BTBD9: variants seen among roughly 807,000 people sequenced by gnomAD.
The protein encoded by BTBD9 is BTB/POZ domain-containing protein 9.
A neutral mutation model predicts 64.3 loss-of-function variants in BTBD9; 49 were observed. The ratio of observed to expected loss-of-function variants is 0.76; its 90% CI spans 0.61 to 0.97. The LOEUF (loss-of-function observed/expected upper bound fraction) is 0.97. BTBD9 is among the 50% of genes least tolerant of loss of function. The pLI is 0.00. For synonymous variants in BTBD9, 260 were observed against 274.7 expected (o/e 0.95, Z 0.53); for missense variants, 598 against 762.1 (o/e 0.78, Z 2.53).
At chr6:38,256,840 G>A (rs140216785) in intron 8 of BTBD9, among the ~76,000 whole-genome samples, 7 of 152,262 alleles carry the variant, frequency 4.6e-5, no homozygotes, top group Admixed American at 3.3e-4. Flanking sequence ...CAGTTGGCTC[G>A]GCTGACCACT....
At chr6:38,462,946 A>T (rs897615914) in intron 6 of BTBD9, among the ~76,000 whole-genome samples, 1 of 152,138 alleles carries the variant, frequency 6.6e-6, no homozygotes, top group African/African-American at 2.4e-5. Flanking sequence ...CTACAGGCAC[A>T]TGTCACCATA....
chr6:38,229,127 G>A (rs951043773), intron 9 of BTBD9, among the ~76,000 whole-genome samples: 1 of 152,016 alleles, frequency 6.6e-6, no homozygotes, highest in South Asian at 2.1e-4. Context: ...GAACTTGGGA[G>A]GTGGAGGTTG....
At chr6:38,415,541 G>A (rs531876393) in intron 6 of BTBD9, among the ~76,000 whole-genome samples, 7 of 152,220 alleles carry the variant, frequency 4.6e-5, no homozygotes, top group South Asian at 2.1e-4. Flanking sequence ...TAATTATTTC[G>A]TGTTGTTTTA....
intron 9 of BTBD9, among the ~76,000 whole-genome samples, chr6:38,239,452 A>AT (rs1201953236): frequency 6.6e-6 from 1 of 151,482 alleles, no homozygotes; most frequent in African/African-American, 2.4e-5. Context: ...AAAAAAAAAA[A>AT]AAAAAAAAGA....
chr6:38,234,324 G>A (rs569450862), intron 9 of BTBD9, among the ~76,000 whole-genome samples: 1 of 152,282 alleles, frequency 6.6e-6, no homozygotes, highest in Non-Finnish European at 1.5e-5. Flanking sequence ...TGCAGGCTTT[G>A]CTCTAAAGGT....
chr6:38,323,897 A>G (rs932561082), intron 7 of BTBD9, among the ~76,000 whole-genome samples: 3 of 152,144 alleles, frequency 2.0e-5, no homozygotes, highest in Non-Finnish European at 1.5e-5. Flanking sequence ...CAGGAGTTCA[A>G]GACCAGCCTG....
At chr6:38,275,489 T>C (rs1305014048) in intron 8 of BTBD9, among the ~76,000 whole-genome samples, 1 of 151,572 alleles carries the variant, frequency 6.6e-6, no homozygotes, top group African/African-American at 2.4e-5. Flanking sequence ...AAAGCCAAAA[T>C]TGACAAATGG....
intron 6 of BTBD9, among the ~76,000 whole-genome samples, chr6:38,359,637 C>T (rs1764873226): frequency 6.6e-6 from 1 of 152,180 alleles, no homozygotes; most frequent in African/African-American, 2.4e-5. Flanking sequence ...ATGTGCATTA[C>T]TCAGGCTCTC....
At chr6:38,479,719 C>T (rs972773239) in intron 6 of BTBD9, among the ~76,000 whole-genome samples, 4 of 152,062 alleles carry the variant, frequency 2.6e-5, no homozygotes, top group African/African-American at 9.7e-5. Flanking sequence ...GCACTAAAAT[C>T]TTTTTTTATT....
intron 8 of BTBD9, among the ~76,000 whole-genome samples, chr6:38,266,630 GAAAGAAAGAAAGAAA>G (rs1765000576): frequency 1.3e-5 from 1 of 74,922 alleles, no homozygotes; most frequent in Admixed American, 1.3e-4. Context: ...AAGAAAGAAA[GAAAGAAAGAAAGAAA>G]GAAAGAAAGA....
At chr6:38,496,734 T>C (rs779524798) in intron 6 of BTBD9, among the ~76,000 whole-genome samples, 2 of 151,308 alleles carry the variant, frequency 1.3e-5, no homozygotes, top group Admixed American at 1.3e-4. Context: ...AAGGACTCAA[T>C]GGACAATTTT....
At chr6:38,495,352 T>C (rs755707554) in intron 6 of BTBD9, among the ~76,000 whole-genome samples, 4 of 152,332 alleles carry the variant, frequency 2.6e-5, no homozygotes, top group Admixed American at 1.3e-4. Context: ...TTAGTTCTCT[T>C]CTCCATCTAT....
chr6:38,536,554 T>C (rs373107995), intron 6 of BTBD9, among the ~76,000 whole-genome samples: 12 of 152,220 alleles, frequency 7.9e-5, no homozygotes, highest in African/African-American at 2.2e-4. Flanking sequence ...CTATTCACAA[T>C]AGCCAAAATT....
intron 1 of BTBD9, among the ~76,000 whole-genome samples, chr6:38,611,486 A>G (rs1777616104): frequency 6.6e-6 from 1 of 152,190 alleles, no homozygotes; most frequent in Admixed American, 6.5e-5. Flanking sequence ...TTGTACCAAG[A>G]AACAGTGCAA....
In BTBD9 at chr6:38,519,737, G is replaced by A. The variant is rs545495273; in HGVS notation, c.1154+57863C>T. ...ATAAGGAGTGAAAGAGTTTTGAGTT[G>A]TCTGAGTTGTCTCCAGCTCCAGCTA... On this transcript the variant is annotated intron_variant, in intron 6 of 10. Coordinates refer to ENST00000481247, the MANE Select transcript of BTBD9 (RefSeq NM_001099272.2). 2.6e-5 allele frequency among the ~76,000 whole-genome samples: 4 copies of A among 152,258 alleles called. No individual in the cohort carries two copies. In the South Asian group the frequency reaches 8.3e-4, roughly 32 times the overall value.
intron 6 of BTBD9, among the ~76,000 whole-genome samples, chr6:38,483,952 C>A (rs1464518946): frequency 6.6e-6 from 1 of 152,220 alleles, no homozygotes; most frequent in East Asian, 1.9e-4. Context: ...ACATTTATTT[C>A]TTTACATCTC....
intron 9 of BTBD9, among the ~76,000 whole-genome samples, chr6:38,244,368 G>A (rs996815762): frequency 1.3e-5 from 2 of 152,216 alleles, no homozygotes; most frequent in Admixed American, 6.5e-5. Context: ...AGAGCTCTAG[G>A]ATTCCAGAGT....
chr6:38,302,485 G>GTATGTGTGTGTGTGTGTGTATATATATA (rs1384155514), intron 7 of BTBD9, among the ~76,000 whole-genome samples: 4 of 106,908 alleles, frequency 3.7e-5, no homozygotes, highest in African/African-American at 1.4e-4. Flanking sequence ...TTGTGTGTAT[G>GTATGTGTGTGTGTGTGTGTATATATATA]TATATATATA....
intron 8 of BTBD9, among the ~76,000 whole-genome samples, chr6:38,269,627 TG>T (rs1765132087): frequency 6.6e-6 from 1 of 151,814 alleles, no homozygotes; most frequent in Non-Finnish European, 1.5e-5. Context: ...TCACCTATAC[TG>T]AACAGGAGGC....
Sources: gnomAD v4.1 joint callset for allele counts (sites outside exome capture counted in the v4.1 genomes callset) on GRCh38, gnomAD v4.1.1 for gene constraint, MANE v1.5 for transcripts, NCBI Gene and HGNC (gene_info 2026-07-23, HGNC 2026-07-21) for gene names.